Variants in LYRM9 observed in about 807,000 individuals in gnomAD.
LYRM9 encodes LYR motif containing 9.
In LYRM9, 14 loss-of-function variants were observed where a neutral mutation model predicts 12.6. That is an observed-to-expected ratio of 1.11 (90% CI 0.73 to 1.73). The LOEUF (loss-of-function observed/expected upper bound fraction) is 1.73. Among genes scored for constraint, LYRM9 ranks in the 40% most tolerant of loss-of-function variants. LYRM9 has a pLI of 0.00. For synonymous variants in LYRM9, 42 were observed against 35.1 expected, an observed-to-expected ratio of 1.20 and a Z score of -0.69; for missense variants, 94 against 95.0, an observed-to-expected ratio of 0.99 and a Z score of 0.04.
chr17:27,887,277 T>G (rs1413746305), intron 1 of LYRM9, among the ~76,000 whole-genome samples: 1 of 152,230 alleles, frequency 6.6e-6, no homozygotes, highest in Admixed American at 6.5e-5. Context: ...CAGCCAGTAT[T>G]TTTTATTGTA....
Position 27,879,754 on chromosome 17 carries a change from C to T in LYRM9, c.220-264G>A, listed in dbSNP as rs966814330. The T allele has an allele frequency of 1.3e-5, 7 of 543,952 alleles. No homozygotes were observed. In the African/African-American group the frequency reaches 1.3e-4, roughly 10 times the overall value. 33.7% of individuals were successfully genotyped at this position (543,952 alleles called of 1,614,324 possible). A position where few individuals can be genotyped will look rare whatever the true frequency, so the allele number is the denominator to read the frequency against. On this transcript the variant is annotated intron_variant, in intron 3 of 3. Coordinates refer to ENST00000379102, the MANE Select transcript of LYRM9 (RefSeq NM_001076680.3). ...CACTCTGGAGAGTGAGTTAGAAGGA[C>T]AGGGAGGTATGGTCACACTCCAACT...
Position 27,893,344 on chromosome 17 carries a change from A to T in LYRM9, c.-46T>A, listed in dbSNP as rs1046908567. The stretch of plus-strand genomic sequence containing the variant: ...GCCTCCAGGGGAACGCCAGCCCCGG[A>T]CGCCGCCGCGGCGACGAGTGCGCCT... On this transcript the variant is annotated 5_prime_UTR_variant, in exon 1 of 4. Coordinates refer to ENST00000379102, the MANE Select transcript of LYRM9 (RefSeq NM_001076680.3). 1 of 152,006 alleles carries T rather than the reference A, an allele frequency of 6.6e-6. No individual in the cohort carries two copies. Among genetic ancestry groups the T allele is most frequent in the Non-Finnish European group, 1.5e-5 (1 of 67,962 alleles). The allele number at this position is 152,006 out of a possible 1,614,324, so 9.4% of individuals were successfully genotyped here. A position where few individuals can be genotyped will look rare whatever the true frequency, so the allele number is the denominator to read the frequency against.
chr17:27,880,562 G>T, intron 2 of LYRM9, 196 bp from the exon 3 acceptor site: 1 of 596,922 alleles, frequency 1.7e-6, no homozygotes, highest in Non-Finnish European at 3.0e-6. Flanking sequence ...AATAGCATTT[G>T]AATCCTAGTC....
intron 2 of LYRM9, chr17:27,880,644 A>G: frequency 2.0e-6 from 1 of 499,124 alleles, no homozygotes; most frequent in Non-Finnish European, 3.6e-6. Context: ...GTTACTGCCA[A>G]ATCAAGCTAG....
chr17:27,888,952 ACCT>A (rs1240808233), intron 1 of LYRM9, among the ~76,000 whole-genome samples: 1 of 151,606 alleles, frequency 6.6e-6, no homozygotes, highest in Admixed American at 6.6e-5. Flanking sequence ...ATCTTCCCTC[ACCT>A]CCTCCCAAGC....
At chr17:27,885,701 CAAAAAAAA>C (rs61615628) in intron 1 of LYRM9, among the ~76,000 whole-genome samples, 7 of 29,386 alleles carry the variant, frequency 2.4e-4, no homozygotes, top group Admixed American at 3.8e-4. Context: ...AACTCTGTCT[CAAAAAAAA>C]AAAAAAAAAA....
Position 27,893,325 on chromosome 17 carries a change from A to C in LYRM9, c.-27T>G, listed in dbSNP as rs915775088. The stretch of plus-strand genomic sequence containing the variant: ...TGCGCAGCGCGGCTCACCAGCCTCC[A>C]GGGGAACGCCAGCCCCGGACGCCGC... On this transcript the variant is annotated 5_prime_UTR_variant, in exon 1 of 4. Transcript: ENST00000379102. 1 of 152,446 alleles carries C rather than the reference A, an allele frequency of 6.6e-6. No individual in the cohort carries two copies. Among genetic ancestry groups the C allele is most frequent in the South Asian group, 1.9e-4 (1 of 5,282 alleles). The allele number at this position is 152,446 out of a possible 1,614,324, so 9.4% of individuals were successfully genotyped here. A position where few individuals can be genotyped will look rare whatever the true frequency, so the allele number is the denominator to read the frequency against.
At chr17:27,892,697 G>A in intron 1 of LYRM9, 1 of 290,646 alleles carries the variant, frequency 3.4e-6, no homozygotes, top group South Asian at 3.1e-5. Context: ...TTCTTTTGGG[G>A]GGTAATGTTC....
intron 3 of LYRM9, chr17:27,879,921 C>A: frequency 3.4e-6 from 2 of 595,386 alleles, no homozygotes; most frequent in Non-Finnish European, 6.0e-6. Context: ...GACAGGGAGT[C>A]CCCCGCCAGG....
chr17:27,887,713 G>GGTGTGTGTGTGT (rs59760752), intron 1 of LYRM9, among the ~76,000 whole-genome samples: 13 of 86,730 alleles, frequency 1.5e-4, no homozygotes, highest in Admixed American at 5.3e-4. Context: ...TAGGAGGGAG[G>GGTGTGTGTGTGT]GTGTGTGTGT....
intron 1 of LYRM9, chr17:27,892,439 C>T (rs1246236759): frequency 4.4e-6 from 2 of 455,580 alleles, no homozygotes; most frequent in Admixed American, 4.7e-5. Flanking sequence ...CAATTGATTC[C>T]CAAGTTACCA....
At chr17:27,884,511 C>A (rs896098807) in intron 1 of LYRM9, among the ~76,000 whole-genome samples, 6 of 152,226 alleles carry the variant, frequency 3.9e-5, no homozygotes, top group Non-Finnish European at 7.3e-5. Flanking sequence ...GTGTGAGGAA[C>A]CTTGTTCATC....
At chr17:27,883,483 C>T (rs1385073025) in intron 1 of LYRM9, among the ~76,000 whole-genome samples, 2 of 151,962 alleles carry the variant, frequency 1.3e-5, no homozygotes, top group African/African-American at 4.8e-5. Context: ...AACCCCGTCT[C>T]TACTAAAAAT....
In LYRM9 at chr17:27,879,499, CAG is replaced by C. The variant is rs1391289919; in HGVS notation, c.220-11_220-10del. 9 of 1,552,216 alleles carry C rather than the reference CAG, an allele frequency of 5.8e-6. No homozygotes were observed. In the African/African-American group the frequency reaches 1.2e-4, roughly 21 times the overall value. ...CAGTTTTGTTTTTTATACTGCAAGACAGAGAGATTCGAAGTGGAGGAGGGAAG... is the reference window on the plus strand; with the variant it reads ...CAGTTTTGTTTTTTATACTGCAAGACAGAGATTCGAAGTGGAGGAGGGAAG... On this transcript the variant is annotated splice_polypyrimidine_tract_variant and intron_variant, in intron 3 of 3. Coordinates refer to ENST00000379102, the MANE Select transcript of LYRM9 (RefSeq NM_001076680.3).
intron 1 of LYRM9, among the ~76,000 whole-genome samples, chr17:27,888,467 A>G (rs1198402718): frequency 2.0e-5 from 3 of 152,198 alleles, no homozygotes; most frequent in Non-Finnish European, 2.9e-5. Context: ...ATGTGAAACG[A>G]TAGTGTGAAT....
chr17:27,879,807 A>G (rs372512651), intron 3 of LYRM9: 3 of 541,614 alleles, frequency 5.5e-6, no homozygotes, highest in East Asian at 6.3e-5. Flanking sequence ...ACCAGCATCT[A>G]AGGGCCAAGA....
chr17:27,889,294 C>CTCTTTTTT (rs1905341469), intron 1 of LYRM9, among the ~76,000 whole-genome samples: 1 of 151,830 alleles, frequency 6.6e-6, no homozygotes, highest in African/African-American at 2.4e-5. Context: ...CCATGTGCTG[C>CTCTTTTTT]TCTTTTTTTC....
chr17:27,879,683 T>C, intron 3 of LYRM9, 193 bp from the exon 4 acceptor site: 3 of 581,216 alleles, frequency 5.2e-6, no homozygotes, highest in Non-Finnish European at 9.0e-6. Flanking sequence ...TCTTCTTTAG[T>C]GAAAAAGGAA....
intron 1 of LYRM9, among the ~76,000 whole-genome samples, chr17:27,887,729 T>G (rs1023909746): frequency 1.3e-5 from 2 of 150,980 alleles, no homozygotes; most frequent in African/African-American, 2.4e-5. Context: ...TGTGTGTGTG[T>G]GTGTGTGTGT....
Sources: gnomAD v4.1 joint callset for allele counts (sites outside exome capture counted in the v4.1 genomes callset) on GRCh38, gnomAD v4.1.1 for gene constraint, MANE v1.5 for transcripts, NCBI Gene and HGNC (gene_info 2026-07-23, HGNC 2026-07-21) for gene names.